SEC24B: variants seen among roughly 807,000 people sequenced by gnomAD.
SEC24B encodes the protein protein transport protein Sec24B.
A neutral mutation model predicts 142.8 loss-of-function variants in SEC24B; 45 were observed. The observed-to-expected ratio is 0.32, with a 90% CI of 0.25 to 0.40. SEC24B has a LOEUF of 0.40. Among genes scored for constraint, SEC24B ranks in the 10% least tolerant of loss-of-function variants. The probability of loss-of-function intolerance (pLI) is 1.00; values close to 1 mark genes in which losing one functional copy is unlikely to be tolerated. For synonymous variants in SEC24B, 574 were observed against 568.2 expected (o/e 1.01, Z -0.15); for missense variants, 1,409 against 1,526.8 (o/e 0.92, Z 1.29).
At chr4:109,489,637 A>T in intron 4 of SEC24B, among the ~76,000 whole-genome samples, 1 of 143,258 alleles carries the variant, frequency 7.0e-6, no homozygotes, top group East Asian at 2.0e-4. Context: ...TATATGGTAT[A>T]TATATGATAT....
At chr4:109,435,555 G>A (rs745320220) in intron 1 of SEC24B, among the ~76,000 whole-genome samples, 65 of 152,118 alleles carry the variant, frequency 4.3e-4, no homozygotes, top group Non-Finnish European at 8.2e-4. Flanking sequence ...TTTTAAAGTG[G>A]CAAATGTTTA....
chr4:109,441,957 T>G (rs762282924), intron 1 of SEC24B, among the ~76,000 whole-genome samples: 1 of 152,184 alleles, frequency 6.6e-6, no homozygotes, highest in Non-Finnish European at 1.5e-5. Flanking sequence ...TCTCAGAGCT[T>G]GGGAAGAAGC....
rs773774954 is a variant in SEC24B, at chr4:109,512,035, A to G, written c.1855A>G (p.Ile619Val). 3.1e-6 allele frequency: 5 copies of G among 1,613,112 alleles called. No homozygotes were observed. In the Admixed American group the frequency reaches 6.7e-5, roughly 22 times the overall value. ...GTATATTAACCCCTTTGTATCCTTCATTGATCAACGTAGATGGAAATGCAA... is the reference window on the plus strand; with the variant it reads ...GTATATTAACCCCTTTGTATCCTTCGTTGATCAACGTAGATGGAAATGCAA... ...RTYINPFVSF[I>V]DQRRWKCNLC... is the part of the protein sequence containing the mutation. The change falls in exon 9 of 24, where the codon ATT becomes GTT. Residue 619 changes from isoleucine to valine, a missense_variant. By Grantham distance (29) the Ile-to-Val change is conservative (BLOSUM62 3). Coordinates refer to ENST00000265175, the MANE Select transcript of SEC24B (RefSeq NM_006323.5).
In SEC24B at chr4:109,511,992, G is replaced by A. The variant is rs140458729; in HGVS notation, c.1812G>A (p.Arg604=). The stretch of plus-strand genomic sequence containing the variant: ...TGATAACATCAAATACCATTGTGAG[G>A]TGCCGATCCTGTCGAACGTATATTA... ...LPVITSNTIV[R]CRSCRTYINP... is the part of the protein sequence containing the mutation. Residue 604 remains arginine, a synonymous_variant, in exon 9 of 24, where the codon AGG becomes AGA. Transcript: ENST00000265175. 2.5e-6 allele frequency: 4 copies of A among 1,613,780 alleles called. No individual in the cohort carries two copies. In the East Asian group the frequency reaches 6.7e-5, roughly 27 times the overall value.
intron 14 of SEC24B, among the ~76,000 whole-genome samples, chr4:109,523,893 T>C (rs1723933605): frequency 6.6e-6 from 1 of 152,210 alleles, no homozygotes; most frequent in African/African-American, 2.4e-5. Context: ...TTTTTATTCT[T>C]CACCAATATG....
intron 22 of SEC24B, among the ~76,000 whole-genome samples, chr4:109,535,851 C>A (rs1455297109): frequency 1.1e-4 from 17 of 150,272 alleles, no homozygotes; most frequent in African/African-American, 2.5e-4. Context: ...GACTCCGTCT[C>A]AAAAAAAAAG....
At chr4:109,455,222 T>C (rs1010557266) in intron 1 of SEC24B, among the ~76,000 whole-genome samples, 3 of 152,192 alleles carry the variant, frequency 2.0e-5, no homozygotes, top group Non-Finnish European at 4.4e-5. Flanking sequence ...ATATTTTCTC[T>C]TAAGTGTTTA....
chr4:109,518,030 C>T (rs867676919), intron 11 of SEC24B, among the ~76,000 whole-genome samples: 7 of 151,954 alleles, frequency 4.6e-5, no homozygotes, highest in South Asian at 2.1e-4. Context: ...TGCAGTGGCG[C>T]GATCTCAGCT....
intron 1 of SEC24B, among the ~76,000 whole-genome samples, chr4:109,445,410 ATTT>A (rs59451230): frequency 8.9e-5 from 11 of 123,782 alleles, no homozygotes; most frequent in Admixed American, 8.1e-5. Flanking sequence ...CGCCCAGCTA[ATTT>A]TTTTTTTTTT....
chr4:109,535,417 A>G (rs962072531), intron 22 of SEC24B, among the ~76,000 whole-genome samples: 1 of 151,888 alleles, frequency 6.6e-6, no homozygotes, highest in Non-Finnish European at 1.5e-5. Flanking sequence ...TTAGCCAGGC[A>G]TGGTGACGGG....
intron 4 of SEC24B, among the ~76,000 whole-genome samples, chr4:109,483,628 A>T (rs1206442044): frequency 2.0e-5 from 3 of 152,206 alleles, no homozygotes; most frequent in Admixed American, 2.0e-4. Flanking sequence ...AAATGTGAAG[A>T]TCTGTTCTGC....
chr4:109,533,777 C>A (rs1033707422), intron 22 of SEC24B, 92 bp downstream of exon 22: 1 of 840,788 alleles, frequency 1.2e-6, no homozygotes. Flanking sequence ...TTAAAATGTA[C>A]AATTCAGTAA....
intron 12 of SEC24B, 54 bp downstream of exon 12, chr4:109,520,538 C>T (rs1723495141): frequency 5.9e-6 from 6 of 1,017,396 alleles, no homozygotes; most frequent in Non-Finnish European, 9.3e-6. Flanking sequence ...GAAATGGGGG[C>T]TACTTTATTT....
intron 3 of SEC24B, among the ~76,000 whole-genome samples, chr4:109,476,489 T>C (rs1733153390): frequency 6.6e-6 from 1 of 152,236 alleles, no homozygotes; most frequent in Non-Finnish European, 1.5e-5. Context: ...ATAAATTTCA[T>C]TCTTAGTTTT....
At chr4:109,494,529 G>T (rs971604999) in intron 5 of SEC24B, 86 bp from the exon 6 acceptor site, 16 of 1,543,094 alleles carry the variant, frequency 1.0e-5, no homozygotes, top group Non-Finnish European at 1.8e-6. Context: ...AAAAGGAAAT[G>T]TCAGGGGTTA....
At chr4:109,434,918 G>C (rs950179472) in intron 1 of SEC24B, among the ~76,000 whole-genome samples, 3 of 152,182 alleles carry the variant, frequency 2.0e-5, no homozygotes, top group Non-Finnish European at 2.9e-5. Flanking sequence ...CTGAGATTTG[G>C]AATGTTCGCG....
chr4:109,484,880 A>G (rs960634923), intron 4 of SEC24B, among the ~76,000 whole-genome samples: 1 of 151,030 alleles, frequency 6.6e-6, no homozygotes, highest in African/African-American at 2.4e-5. Flanking sequence ...AAGATTTAGC[A>G]TTTATGGCTT....
intron 1 of SEC24B, among the ~76,000 whole-genome samples, chr4:109,435,661 T>C (rs1336210249): frequency 6.6e-6 from 1 of 152,234 alleles, no homozygotes; most frequent in Non-Finnish European, 1.5e-5. Flanking sequence ...AACAAATCAA[T>C]GTTTTGATGC....
At chr4:109,468,781 T>C (rs1410745900) in intron 2 of SEC24B, among the ~76,000 whole-genome samples, 3 of 152,352 alleles carry the variant, frequency 2.0e-5, no homozygotes, top group Non-Finnish European at 2.9e-5. Flanking sequence ...GAATACAAGA[T>C]GACTTAAAAT....
Sources: gnomAD v4.1 joint callset for allele counts (sites outside exome capture counted in the v4.1 genomes callset) on GRCh38, gnomAD v4.1.1 for gene constraint, MANE v1.5 for transcripts, NCBI Gene and HGNC (gene_info 2026-07-23, HGNC 2026-07-21) for gene names.